Variants in MDGA2 observed in about 807,000 individuals in gnomAD.
MDGA2 encodes MAM domain containing glycosylphosphatidylinositol anchor 2, also known as MAM domain-containing glycosylphosphatidylinositol anchor protein 2.
A neutral mutation model predicts 117.8 loss-of-function variants in MDGA2; 40 were observed. That is an observed-to-expected ratio of 0.34 (90% CI 0.26 to 0.44). MDGA2 has a LOEUF of 0.44. Among genes scored for constraint, MDGA2 ranks in the 20% least tolerant of loss-of-function variants. The pLI, the probability that MDGA2 is intolerant of heterozygous loss-of-function variation, is 1.00. For synonymous variants in MDGA2, 452 were observed against 439.0 expected, an observed-to-expected ratio of 1.03 and a Z score of -0.37; for missense variants, 1,123 against 1,250.6, an observed-to-expected ratio of 0.90 and a Z score of 1.54.
intron 2 of MDGA2, among the ~76,000 whole-genome samples, chr14:47,283,440 G>T (rs977747696): frequency 1.3e-5 from 2 of 152,178 alleles, no homozygotes; most frequent in African/African-American, 4.8e-5. Context: ...CACTTTGTGT[G>T]TGTTTTGCAT....
At chr14:47,344,814 T>A (rs1433687933) in intron 1 of MDGA2, among the ~76,000 whole-genome samples, 1 of 152,078 alleles carries the variant, frequency 6.6e-6, no homozygotes, top group Admixed American at 6.6e-5. Flanking sequence ...TTTTATTACA[T>A]TATCATAAAA....
chr14:47,418,045 C>T (rs1224133867), intron 1 of MDGA2, among the ~76,000 whole-genome samples: 1 of 151,960 alleles, frequency 6.6e-6, no homozygotes, highest in East Asian at 1.9e-4. Flanking sequence ...TTTGTTTGGG[C>T]TGCTATAAAA....
intron 1 of MDGA2, among the ~76,000 whole-genome samples, chr14:47,627,713 G>C (rs1009336888): frequency 6.6e-6 from 1 of 152,194 alleles, no homozygotes; most frequent in Non-Finnish European, 1.5e-5. Flanking sequence ...GCCCCAGCCA[G>C]CAGTGGCAAC....
intron 11 of MDGA2, among the ~76,000 whole-genome samples, chr14:46,880,658 AG>A (rs1394790094): frequency 3.3e-5 from 5 of 151,186 alleles, no homozygotes; most frequent in African/African-American, 1.2e-4. Flanking sequence ...CAAAATTAGT[AG>A]GGCATGGTGG....
At chr14:47,538,706 C>A (rs540582981) in intron 1 of MDGA2, among the ~76,000 whole-genome samples, 1 of 152,012 alleles carries the variant, frequency 6.6e-6, no homozygotes, top group South Asian at 2.1e-4. Context: ...CTTTCTTTTT[C>A]TCTCTCTCTC....
chr14:47,509,540 G>A (rs892044064), intron 1 of MDGA2, among the ~76,000 whole-genome samples: 2 of 152,168 alleles, frequency 1.3e-5, no homozygotes, highest in Non-Finnish European at 2.9e-5. Context: ...CCACAGGTGT[G>A]GGACTGCAGC....
At chr14:47,334,541 TA>T (rs1238380146) in intron 1 of MDGA2, among the ~76,000 whole-genome samples, 1 of 151,942 alleles carries the variant, frequency 6.6e-6, no homozygotes, top group Non-Finnish European at 1.5e-5. Context: ...ATAATTTCTT[TA>T]AACCACATGC....
intron 2 of MDGA2, among the ~76,000 whole-genome samples, chr14:47,244,615 T>C (rs911695445): frequency 2.0e-5 from 3 of 151,852 alleles, no homozygotes; most frequent in Non-Finnish European, 2.9e-5. Flanking sequence ...TCAATACTGA[T>C]TTCTAAAGGT....
intron 1 of MDGA2, among the ~76,000 whole-genome samples, chr14:47,588,261 TACAC>T (rs67717725): frequency 0.054 from 5,561 of 103,222 alleles, 355 homozygotes; most frequent in Admixed American, 0.12. Context: ...TATATATATA[TACAC>T]ACACACACAC....
chr14:47,674,283 C>T (rs539331374), intron 1 of MDGA2, among the ~76,000 whole-genome samples: 1 of 152,322 alleles, frequency 6.6e-6, no homozygotes, highest in Non-Finnish European at 1.5e-5. Context: ...CGCACGAGTG[C>T]GTTGCTGCCG....
intron 3 of MDGA2, among the ~76,000 whole-genome samples, chr14:47,153,392 T>C (rs1212225180): frequency 6.6e-6 from 1 of 152,154 alleles, no homozygotes; most frequent in Non-Finnish European, 1.5e-5. Flanking sequence ...GACCTGGATT[T>C]GGCAGTTGGG....
intron 1 of MDGA2, among the ~76,000 whole-genome samples, chr14:47,387,188 AT>A (rs1891779581): frequency 6.6e-6 from 1 of 152,116 alleles, no homozygotes; most frequent in Admixed American, 6.6e-5. Context: ...CTCTAACATT[AT>A]TTCAAAATTT....
intron 6 of MDGA2, among the ~76,000 whole-genome samples, chr14:47,077,970 A>C (rs1029243758): frequency 1.3e-5 from 2 of 152,122 alleles, no homozygotes; most frequent in African/African-American, 4.8e-5. Context: ...GGGACTATTT[A>C]TTTAAAAACT....
rs184716033 is a variant in MDGA2, at chr14:47,547,574, T to C, written c.280+126943A>G. Among the ~76,000 whole-genome samples, 286 of 152,340 alleles carry C rather than the reference T, an allele frequency of 1.9e-3. 3 individuals carry two copies. Among genetic ancestry groups the C allele is most frequent in the African/African-American group, 6.7e-3 (277 of 41,584 alleles). ...AAGGGTGACAGTCAGAGAAACTGGC[T>C]GCAGCTAAGAGAGAAATAGCATTTT... On this transcript the variant is annotated intron_variant, in intron 1 of 16. Transcript: ENST00000399232.
chr14:47,588,191 C>T (rs1001639320), intron 1 of MDGA2, among the ~76,000 whole-genome samples: 3 of 145,298 alleles, frequency 2.1e-5, no homozygotes, highest in Non-Finnish European at 4.5e-5. Context: ...CAGTCATATA[C>T]AAATTTTGTG....
intron 3 of MDGA2, among the ~76,000 whole-genome samples, chr14:47,211,220 A>G (rs1008314112): frequency 2.0e-5 from 3 of 152,012 alleles, no homozygotes; most frequent in African/African-American, 7.2e-5. Flanking sequence ...CTTTAATCAA[A>G]TTTCTCACCC....
In MDGA2 at chr14:47,445,597, T is replaced by C. The variant is rs1386934955; in HGVS notation, c.281-144047A>G. ...TATTAGGTGACAAGGAAAAGCTTCATGAAAAAAATTATTGAAAAAACCCAA... is the reference window on the plus strand; with the variant it reads ...TATTAGGTGACAAGGAAAAGCTTCACGAAAAAAATTATTGAAAAAACCCAA... On this transcript the variant is annotated intron_variant, in intron 1 of 16. Transcript: ENST00000399232. Among the ~76,000 whole-genome samples the C allele has an allele frequency of 3.9e-5, 6 of 152,114 alleles. No individual in the cohort carries two copies. The South Asian group carries it at 1.0e-3, about 26-fold the overall frequency.
rs1023813724 is a variant in MDGA2 at position 47,603,635 on chromosome 14, G to C, written c.280+70882C>G. Among the ~76,000 whole-genome samples the C allele has an allele frequency of 2.0e-5, 3 of 151,760 alleles. No individual in the cohort carries two copies. The South Asian group carries it at 6.3e-4, about 32-fold the overall frequency. ...TCATAGTCTCTCTCTCTCTCTCTCT[G>C]TTTCTCTTGTTCTCTCTTTCTGCTC... On this transcript the variant is annotated intron_variant, in intron 1 of 16. Coordinates refer to ENST00000399232, the MANE Select transcript of MDGA2 (RefSeq NM_001113498.3).
chr14:46,976,428 G>A (rs892798364), intron 8 of MDGA2, among the ~76,000 whole-genome samples: 5 of 151,940 alleles, frequency 3.3e-5, no homozygotes, highest in Non-Finnish European at 5.9e-5. Flanking sequence ...TAGAACAAAT[G>A]ATACTATTTG....
Sources: allele counts gnomAD v4.1 joint callset (sites outside exome capture counted in the v4.1 genomes callset), GRCh38; gene constraint gnomAD v4.1.1; transcripts MANE v1.5; gene names NCBI Gene and HGNC (gene_info 2026-07-23, HGNC 2026-07-21).